Variants in NYX observed in about 807,000 individuals in gnomAD.
The protein encoded by NYX is leucine-rich repeat protein.
For missense variants in NYX, 481 were observed against 485.4 expected (o/e 0.99, Z 0.09); for synonymous variants, 258 against 245.7 (o/e 1.05, Z -0.47).
At position 41,473,763 on chromosome X, in the gene NYX, G is replaced by A; in HGVS notation, c.295G>A (p.Gly99Ser). Residue 99 changes from glycine (G) to serine (S), a missense_variant, in exon 3 of 3, where the codon GGC (glycine) becomes AGC (serine). Gly to Ser is a moderately conservative substitution (Grantham distance 56). Coordinates refer to ENST00000378220, the MANE Select transcript of NYX (RefSeq NM_001378477.3). ...RHNNLSFITP[G>S]AFKGLPRLAE... is the part of the protein sequence containing the mutation. ...CAACAACCTGTCCTTCATCACGCCC[G>A]GCGCCTTCAAGGGCCTGCCGCGCCT... 2 of 1,150,099 alleles carry A rather than the reference G, an allele frequency of 1.7e-6. No homozygotes were observed. Among genetic ancestry groups the A allele is most frequent in the East Asian group, 3.4e-5 (1 of 29,143 alleles). The allele number at this position is 1,150,099 out of a possible 1,213,427, so 94.8% of individuals were successfully genotyped here. A position where few individuals can be genotyped will look rare whatever the true frequency, so the allele number is the denominator to read the frequency against.
intron 2 of NYX, chrX:41,472,578 C>A: frequency 3.9e-6 from 2 of 517,767 alleles, no homozygotes; most frequent in Non-Finnish European, 3.4e-6. Context: ...CCATCAGGGG[C>A]AAAGCCACGG....
intron 2 of NYX, among the ~76,000 whole-genome samples, chrX:41,470,682 A>C (rs1339227871): frequency 2.4e-5 from 2 of 83,174 alleles, no homozygotes; most frequent in Non-Finnish European, 4.5e-5. Context: ...CGACAGAGTG[A>C]GGACTCTGTC....
chrX:41,450,868 T>A, intron 2 of NYX, among the ~76,000 whole-genome samples: 1 of 89,936 alleles, frequency 1.1e-5, no homozygotes, highest in Admixed American at 1.3e-4. Context: ...GTATTTTTAG[T>A]AGAGAGGGGG....
At chrX:41,457,394 C>A (rs1229660378) in intron 2 of NYX, among the ~76,000 whole-genome samples, 1 of 109,525 alleles carries the variant, frequency 9.1e-6, no homozygotes, top group Non-Finnish European at 1.9e-5. Flanking sequence ...TGTCTATGAA[C>A]CAAGAAGTGG....
chrX:41,454,320 C>CT (rs763002563), intron 2 of NYX, among the ~76,000 whole-genome samples: 1,841 of 106,714 alleles, frequency 0.017, 23 homozygotes, highest in African/African-American at 0.035. Context: ...CACATGGTCC[C>CT]TTTTTTTTTT....
At chrX:41,450,739 G>A (rs1288549565) in intron 2 of NYX, among the ~76,000 whole-genome samples, 1 of 103,557 alleles carries the variant, frequency 9.7e-6, no homozygotes, top group Non-Finnish European at 2.0e-5. Context: ...TCTGCCTCCT[G>A]GGTTCAAGTG....
intron 2 of NYX, chrX:41,472,705 C>A: frequency 2.9e-6 from 1 of 345,703 alleles, no homozygotes; most frequent in Non-Finnish European, 5.0e-6. Context: ...CCGCCGGCAC[C>A]CCGCAGTAGA....
chrX:41,475,247 T>G lies in NYX; in HGVS notation c.*348T>G. ...GCAACAGTGCCTGCAAGGCCTGAAT[T>G]AGAGAGACTTCCATTGGCTAAGTAG... On this transcript the variant is annotated 3_prime_UTR_variant, in exon 3 of 3. Transcript: ENST00000378220. 7.2e-6 allele frequency: 2 copies of G among 276,847 alleles called. No homozygotes were observed. Among genetic ancestry groups the G allele is most frequent in the Non-Finnish European group, 1.3e-5 (2 of 155,343 alleles). The allele number at this position is 276,847 out of a possible 1,213,427, so 22.8% of individuals were successfully genotyped here. A position where few individuals can be genotyped will look rare whatever the true frequency, so the allele number is the denominator to read the frequency against.
chrX:41,448,771 G>C (rs1204289728), intron 2 of NYX, among the ~76,000 whole-genome samples: 1 of 107,130 alleles, frequency 9.3e-6, no homozygotes, highest in East Asian at 2.9e-4. Flanking sequence ...TATTGCCCAG[G>C]CTGGTCTTGA....
chrX:41,464,662 G>A (rs950354202), intron 2 of NYX, among the ~76,000 whole-genome samples: 1 of 64,514 alleles, frequency 1.6e-5, no homozygotes, highest in Non-Finnish European at 3.0e-5. Flanking sequence ...TGGCTATGAT[G>A]GGCCGTGCGT....
intron 2 of NYX, among the ~76,000 whole-genome samples, chrX:41,470,550 C>T (rs1330894151): frequency 9.2e-6 from 1 of 109,069 alleles, no homozygotes; most frequent in African/African-American, 3.3e-5. Flanking sequence ...AAAAATTAGC[C>T]GGGTGTGGTG....
intron 2 of NYX, among the ~76,000 whole-genome samples, chrX:41,467,147 A>G (rs1403874982): frequency 9.1e-6 from 1 of 109,938 alleles, no homozygotes; most frequent in Non-Finnish European, 1.9e-5. Context: ...TCTACCATAG[A>G]TAGCAGTGGG....
Position 41,474,536 on chromosome X carries a change from G to A in NYX, c.1068G>A (p.Pro356=). The change falls in exon 3 of 3, where the codon CCG becomes CCA. Residue 356 remains proline, a synonymous_variant. Transcript: ENST00000378220. ...MEGSGRVTDV[P]CASPGSVAGL... Reference sequence around the variant, plus strand: ...GCTCCGGACGTGTCACCGACGTGCCGTGCGCCTCCCCGGGCTCCGTGGCCG... The same window carrying A: ...GCTCCGGACGTGTCACCGACGTGCCATGCGCCTCCCCGGGCTCCGTGGCCG... The A allele has an allele frequency of 1.7e-6, 2 of 1,203,071 alleles. No homozygotes were observed. Among genetic ancestry groups the A allele is most frequent in the Non-Finnish European group, 2.2e-6 (2 of 892,371 alleles).
intron 2 of NYX, among the ~76,000 whole-genome samples, chrX:41,448,432 C>T (rs948332629): frequency 1.5e-4 from 16 of 108,913 alleles, no homozygotes; most frequent in South Asian, 4.0e-4. Context: ...TTAGTAGAGA[C>T]GGGGTTTCAC....
At chrX:41,452,328 G>A (rs2064283403) in intron 2 of NYX, among the ~76,000 whole-genome samples, 1 of 110,936 alleles carries the variant, frequency 9.0e-6, no homozygotes, top group Admixed American at 9.7e-5. Context: ...TGAACTGCAC[G>A]CTTAAAATGG....
chrX:41,451,089 T>C (rs1198631029), intron 2 of NYX, among the ~76,000 whole-genome samples: 1 of 110,194 alleles, frequency 9.1e-6, no homozygotes. Context: ...TGCCTCAGCC[T>C]CCCAAAGTGC....
At chrX:41,458,085 C>G (rs1465086059) in intron 2 of NYX, among the ~76,000 whole-genome samples, 1 of 111,410 alleles carries the variant, frequency 9.0e-6, no homozygotes, top group Non-Finnish European at 1.9e-5. Context: ...GCTGAACCTG[C>G]TTTTATTACA....
rs775085199 is a variant in NYX at position 41,474,405 on chromosome X, G to T, written c.937G>T (p.Ala313Ser). The change falls in exon 3 of 3, where the codon GCC (alanine) becomes TCC (serine). Residue 313 changes from alanine (A) to serine (S), a missense_variant. By Grantham distance (99) the Ala-to-Ser change is moderately conservative. Coordinates refer to ENST00000378220, the MANE Select transcript of NYX (RefSeq NM_001378477.3). ...CAACGGCAACCGCCTCACCGTGCTCGCCTGGGTCGCCTTCCAGCCCGGCTT... is the reference window on the plus strand; with the variant it reads ...CAACGGCAACCGCCTCACCGTGCTCTCCTGGGTCGCCTTCCAGCCCGGCTT... The part of the protein sequence containing the change: ...HLNGNRLTVL[A>S]WVAFQPGFFL... 17 of 1,206,251 alleles carry T rather than the reference G, an allele frequency of 1.4e-5. No homozygotes were observed. Among genetic ancestry groups the T allele is most frequent in the Non-Finnish European group, 1.9e-5 (17 of 895,169 alleles).
At position 41,460,885 on chromosome X, in the gene NYX, T is replaced by C. The variant is rs1413724816; in HGVS notation, c.23-12606T>C. Among the ~76,000 whole-genome samples, 11 of 93,319 alleles carry C rather than the reference T, an allele frequency of 1.2e-4. 1 individual carries two copies. Among genetic ancestry groups the C allele is most frequent in the South Asian group, 1.1e-3 (2 of 1,813 alleles). 81.0% of individuals were successfully genotyped at this position (93,319 alleles called of 115,157 possible). A position where few individuals can be genotyped will look rare whatever the true frequency, so the allele number is the denominator to read the frequency against. ...GAGTCACACAGTATGTATTTTTTTT[T>C]TTTTTTTTTTTTTTTTTTTTTGGTC... On this transcript the variant is annotated intron_variant, in intron 2 of 2. Transcript: ENST00000378220.
Sources: allele counts gnomAD v4.1 joint callset (sites outside exome capture counted in the v4.1 genomes callset), GRCh38; gene constraint gnomAD v4.1.1; transcripts MANE v1.5; gene names NCBI Gene and HGNC (gene_info 2026-07-23, HGNC 2026-07-21).